VWA8: variants seen among roughly 807,000 people sequenced by gnomAD.
The protein encoded by VWA8 is von Willebrand factor A domain-containing protein 8.
A neutral mutation model predicts 241.5 loss-of-function variants in VWA8; 221 were observed. The ratio of observed to expected loss-of-function variants is 0.91; its 90% CI spans 0.82 to 1.02. The LOEUF (loss-of-function observed/expected upper bound fraction) is 1.02, where lower values mean the gene tolerates loss of function less well. Ranked by LOEUF, VWA8 falls within the 50% of genes least tolerant of loss-of-function variation. VWA8 has a pLI of 0.00. For missense variants in VWA8, 2,322 were observed against 2,328.7 expected, an observed-to-expected ratio of 1.00 and a Z score of 0.06; for synonymous variants, 852 against 827.1, an observed-to-expected ratio of 1.03 and a Z score of -0.52.
Position 41,784,701 on chromosome 13 carries a change from T to TACATATACATATAC in VWA8, c.2171-801_2171-800insGTATATGTATATGT, listed in dbSNP as rs199525785. Reference sequence around the variant, plus strand: ...CTCTTTATACATATACATATACATATATATATATATATATATATATATATA... The same window carrying TACATATACATATAC: ...CTCTTTATACATATACATATACATATACATATACATATACATATATATATATATATATATATATA... On this transcript the variant is annotated intron_variant, in intron 18 of 44. Coordinates refer to ENST00000379310, the MANE Select transcript of VWA8 (RefSeq NM_015058.2). Among the ~76,000 whole-genome samples, 67 of 69,826 alleles carry TACATATACATATAC rather than the reference T, an allele frequency of 9.6e-4. 1 individual carries two copies. The highest frequency in any genetic ancestry group is 4.7e-3 in the South Asian group (9 of 1,906). The allele number at this position is 69,826 out of a possible 152,430, so 45.8% of individuals were successfully genotyped here.
intron 2 of VWA8, among the ~76,000 whole-genome samples, chr13:41,919,515 C>A (rs1012234749): frequency 2.0e-5 from 3 of 152,128 alleles, no homozygotes; most frequent in African/African-American, 7.2e-5. Flanking sequence ...GATGGGTAGT[C>A]ATTGCACCCC....
intron 37 of VWA8, among the ~76,000 whole-genome samples, chr13:41,658,194 T>C (rs933600083): frequency 3.3e-5 from 5 of 152,240 alleles, no homozygotes; most frequent in Admixed American, 3.3e-4. Context: ...CACAGTCACT[T>C]GCACCTGTAG....
intron 37 of VWA8, among the ~76,000 whole-genome samples, chr13:41,648,723 C>A (rs1284107360): frequency 6.6e-6 from 1 of 152,046 alleles, no homozygotes; most frequent in Non-Finnish European, 1.5e-5. Flanking sequence ...TTATAATTAC[C>A]TTCATAATAG....
At chr13:41,864,177 G>C (rs1406528480) in intron 12 of VWA8, among the ~76,000 whole-genome samples, 1 of 151,844 alleles carries the variant, frequency 6.6e-6, no homozygotes, top group Non-Finnish European at 1.5e-5. Flanking sequence ...AAGTGTTAGG[G>C]AGGATGTAGA....
intron 2 of VWA8, among the ~76,000 whole-genome samples, chr13:41,928,621 G>C (rs965638260): frequency 6.6e-6 from 1 of 152,076 alleles, no homozygotes; most frequent in Non-Finnish European, 1.5e-5. Context: ...AAAGTTTACA[G>C]CAATAGATGC....
chr13:41,669,499 CAG>C (rs1267921048), intron 37 of VWA8, among the ~76,000 whole-genome samples: 1 of 152,064 alleles, frequency 6.6e-6, no homozygotes, highest in East Asian at 1.9e-4. Context: ...TATATATAGC[CAG>C]AGAAGTAACT....
At chr13:41,675,434 T>C (rs1353172545) in intron 35 of VWA8, 138 bp from the exon 36 acceptor site, 4 of 520,522 alleles carry the variant, frequency 7.7e-6, no homozygotes, top group East Asian at 3.3e-5. Context: ...TCAACCCTCA[T>C]GGCTAGACTC....
At chr13:41,891,315 T>C (rs1382336048) in intron 5 of VWA8, 105 bp downstream of exon 5, 1 of 1,362,782 alleles carries the variant, frequency 7.3e-7, no homozygotes, top group African/African-American at 1.5e-5. Context: ...ATAAGGGCCA[T>C]CTGAACATCT....
chr13:41,850,571 G>A (rs1451672913), intron 12 of VWA8, among the ~76,000 whole-genome samples: 2 of 152,168 alleles, frequency 1.3e-5, no homozygotes, highest in East Asian at 3.9e-4. Flanking sequence ...GCCACCCTCA[G>A]AGACTTAGTT....
At chr13:41,796,389 C>T (rs181012787) in intron 17 of VWA8, among the ~76,000 whole-genome samples, 1 of 152,062 alleles carries the variant, frequency 6.6e-6, no homozygotes, top group African/African-American at 2.4e-5. Context: ...GGTTATGGGT[C>T]GATTTGAATT....
intron 4 of VWA8, among the ~76,000 whole-genome samples, chr13:41,902,945 C>T (rs1032551429): frequency 1.3e-5 from 2 of 152,090 alleles, no homozygotes; most frequent in African/African-American, 4.8e-5. Context: ...ACCAGAGAGC[C>T]ACAGGTACTT....
intron 21 of VWA8, among the ~76,000 whole-genome samples, chr13:41,732,996 A>C (rs2045496924): frequency 6.6e-6 from 1 of 152,238 alleles, no homozygotes; most frequent in South Asian, 2.1e-4. Context: ...TTAAAAATAT[A>C]AGTAGCGTCT....
In VWA8 at chr13:41,811,335, T is replaced by C. The variant is rs61731753; in HGVS notation, c.1953A>G (p.Gln651=). 2.6e-4 allele frequency: 415 copies of C among 1,607,936 alleles called. 2 individuals are homozygous for C. The African/African-American group carries it at 4.9e-3, about 19-fold the overall frequency. The change falls in exon 17 of 45, where the codon CAA becomes CAG. Residue 651 remains glutamine (Q), a synonymous_variant. Coordinates refer to ENST00000379310, the MANE Select transcript of VWA8 (RefSeq NM_015058.2). ...KLRETQDPTA[Q]SLAASLSTRQ... is the part of the protein sequence containing the mutation. Reference sequence around the variant, plus strand: ...TGGTAGAAAGTGATGCCGCTAATGATTGTGCCTATCAAAAGACAAATACAT... The same window carrying C: ...TGGTAGAAAGTGATGCCGCTAATGACTGTGCCTATCAAAAGACAAATACAT...
intron 2 of VWA8, among the ~76,000 whole-genome samples, chr13:41,948,243 G>A (rs1179006594): frequency 6.6e-6 from 1 of 152,130 alleles, no homozygotes; most frequent in Non-Finnish European, 1.5e-5. Flanking sequence ...AAAACATTAT[G>A]CTAAGATAAG....
chr13:41,615,253 C>T (rs1034387398), intron 37 of VWA8, among the ~76,000 whole-genome samples, 169 bp from the exon 38 acceptor site: 12 of 152,072 alleles, frequency 7.9e-5, no homozygotes, highest in Non-Finnish European at 1.6e-4. Context: ...CAGATGGATT[C>T]CAACATCCAT....
intron 37 of VWA8, among the ~76,000 whole-genome samples, chr13:41,634,282 C>T (rs1593663830): frequency 1.3e-5 from 2 of 152,134 alleles, no homozygotes; most frequent in East Asian, 3.9e-4. Context: ...TATAATTCTT[C>T]ATGACACTTA....
chr13:41,649,999 G>GC (rs1205229506), intron 37 of VWA8, among the ~76,000 whole-genome samples: 2 of 152,092 alleles, frequency 1.3e-5, no homozygotes, highest in Non-Finnish European at 2.9e-5. Context: ...CCTAGTATTA[G>GC]CCCCTCCCCT....
intron 21 of VWA8, among the ~76,000 whole-genome samples, chr13:41,752,497 A>G (rs1194986688): frequency 3.3e-5 from 5 of 152,162 alleles, no homozygotes; most frequent in Non-Finnish European, 7.3e-5. Flanking sequence ...CCAGTGCCTA[A>G]AACAGACACT....
chr13:41,784,715 T>TATATAC (rs1869080520), intron 18 of VWA8, among the ~76,000 whole-genome samples: 1 of 62,852 alleles, frequency 1.6e-5, no homozygotes, highest in African/African-American at 4.5e-5. Context: ...TATATATATA[T>TATATAC]ATATATATAT....
Sources: allele counts gnomAD v4.1 joint callset (sites outside exome capture counted in the v4.1 genomes callset), GRCh38; gene constraint gnomAD v4.1.1; transcripts MANE v1.5; gene names NCBI Gene and HGNC (gene_info 2026-07-23, HGNC 2026-07-21).